The following SCP2 variants were observed in gnomAD, a reference collection of about 807,000 sequenced individuals.
SCP2 encodes the protein sterol carrier protein 2.
In SCP2, 48 loss-of-function variants were observed where a neutral mutation model predicts 71.4. The ratio of observed to expected loss-of-function variants is 0.67; its 90% confidence interval spans 0.53 to 0.86. The LOEUF is 0.86. Among genes scored for constraint, SCP2 ranks in the 40% least tolerant of loss-of-function variants. SCP2 has a pLI of 0.00. For missense variants in SCP2, 560 were observed against 655.6 expected, an observed-to-expected ratio of 0.85 and a Z score of 1.59; for synonymous variants, 220 against 218.1, an observed-to-expected ratio of 1.01 and a Z score of -0.08.
At chr1:52,981,003 C>T (rs1304346314) in intron 10 of SCP2, among the ~76,000 whole-genome samples, 1 of 152,122 alleles carries the variant, frequency 6.6e-6, no homozygotes, top group Admixed American at 6.5e-5. Context: ...GCAATCTCAG[C>T]TCAATGCAAC....
Position 53,050,919 on chromosome 1 carries a change from G to A in SCP2, c.*215G>A. The A allele has an allele frequency of 2.2e-6, 1 of 446,382 alleles. No homozygotes were observed. Among genetic ancestry groups the A allele is most frequent in the East Asian group, 3.8e-5 (1 of 26,144 alleles). The allele number at this position is 446,382 out of a possible 1,614,324, so 27.7% of individuals were successfully genotyped here. ...GCTTTGCGGAATTGCATACAACTGT[G>A]CATTACAAAGTTAATATGGTAATTA... is the stretch of plus-strand genomic sequence containing the variant. On this transcript the variant is annotated 3_prime_UTR_variant, in exon 16 of 16. Transcript: ENST00000371514.
rs1048244326 is a variant in SCP2 at position 52,966,641 on chromosome 1, T to A, written c.523+5012T>A. Among the ~76,000 whole-genome samples, 4 of 151,826 alleles carry A rather than the reference T, an allele frequency of 2.6e-5. No homozygotes were observed. The East Asian group carries it at 7.7e-4, about 29-fold the overall frequency. On this transcript the variant is annotated intron_variant, in intron 6 of 15. Coordinates refer to ENST00000371514, the MANE Select transcript of SCP2 (RefSeq NM_002979.5). ...TGGCTTACGCCTGTAATCCCAGCAC[T>A]TTGGGAGGCAGAGGCAGGCAGATCA... is the stretch of plus-strand genomic sequence containing the variant.
At chr1:52,930,064 A>G (rs1014138967) in intron 1 of SCP2, among the ~76,000 whole-genome samples, 1 of 152,306 alleles carries the variant, frequency 6.6e-6, no homozygotes, top group African/African-American at 2.4e-5. Context: ...GCTAAGTCCC[A>G]TACCTTCTTA....
intron 14 of SCP2, among the ~76,000 whole-genome samples, chr1:53,044,454 T>C (rs59750828): frequency 0.038 from 5,749 of 152,344 alleles, 290 homozygotes; most frequent in African/African-American, 0.12. Context: ...ATTAATTTAT[T>C]CAACAAGTAT....
chr1:53,016,196 C>T (rs879647763), intron 12 of SCP2, among the ~76,000 whole-genome samples: 8 of 152,120 alleles, frequency 5.3e-5, no homozygotes, highest in Admixed American at 4.6e-4. Flanking sequence ...TCTTTCTCTG[C>T]CCAGAATATA....
At chr1:53,020,868 GA>G (rs1474614153) in intron 12 of SCP2, among the ~76,000 whole-genome samples, 1 of 152,136 alleles carries the variant, frequency 6.6e-6, no homozygotes, top group Non-Finnish European at 1.5e-5. Context: ...AAATGAACTT[GA>G]TATTCCCTGA....
intron 6 of SCP2, among the ~76,000 whole-genome samples, chr1:52,971,252 A>G (rs1432766188): frequency 6.6e-6 from 1 of 152,096 alleles, no homozygotes; most frequent in Non-Finnish European, 1.5e-5. Context: ...CTGGGATTAC[A>G]GGCGTGAGCC....
chr1:52,973,713 A>G lies in SCP2; in HGVS notation c.524-1056A>G, dbSNP rs866089029. 1.3e-4 allele frequency among the ~76,000 whole-genome samples: 20 copies of G among 152,272 alleles called. No individual in the cohort carries two copies. The Middle Eastern group carries it at 0.017, about 129-fold the overall frequency. ...CTCAGCCTCCCAAGTAGCTGAGATGACAGGTGTATGCCACTATACCTAGCT... is the reference window on the plus strand; with the variant it reads ...CTCAGCCTCCCAAGTAGCTGAGATGGCAGGTGTATGCCACTATACCTAGCT... On this transcript the variant is annotated intron_variant, in intron 6 of 15. Coordinates refer to ENST00000371514, the MANE Select transcript of SCP2 (RefSeq NM_002979.5).
intron 5 of SCP2, among the ~76,000 whole-genome samples, chr1:52,956,752 C>A (rs544406128): frequency 3.7e-4 from 57 of 152,060 alleles, no homozygotes; most frequent in African/African-American, 1.3e-3. Flanking sequence ...GTTTATGATA[C>A]ATGAAAAATA....
chr1:53,021,102 G>C (rs960495987), intron 12 of SCP2, among the ~76,000 whole-genome samples: 24 of 151,574 alleles, frequency 1.6e-4, no homozygotes, highest in Non-Finnish European at 2.8e-4. Context: ...ACCTCCCCAG[G>C]CTCAGATAAT....
intron 6 of SCP2, among the ~76,000 whole-genome samples, chr1:52,967,314 G>A (rs1284644854): frequency 6.6e-6 from 1 of 151,632 alleles, no homozygotes; most frequent in Non-Finnish European, 1.5e-5. Context: ...CTTTCTTTTT[G>A]GCTTGGTAAT....
chr1:52,960,892 G>A (rs994858377), intron 5 of SCP2, among the ~76,000 whole-genome samples: 5 of 150,902 alleles, frequency 3.3e-5, no homozygotes, highest in African/African-American at 1.2e-4. Flanking sequence ...AGCTGGGACT[G>A]TAGGTGCATA....
intron 11 of SCP2, chr1:52,995,517 T>A (rs1282946438): frequency 2.3e-6 from 1 of 440,392 alleles, no homozygotes; most frequent in Non-Finnish European, 4.5e-6. Flanking sequence ...ACTTCATGGC[T>A]GGCTTTGCCC....
Position 53,039,006 on chromosome 1 carries a change from G to A in SCP2, c.1428G>A (p.Val476=). ...GGGGTAAAGAGGCCACCTGGGTGGT[G>A]GATGTGAAGAATGGCAAAGGATCAG... ...GPGGKEATWV[V]DVKNGKGSVL... Residue 476 remains valine, a synonymous_variant, in exon 14 of 16, where the codon GTG becomes GTA. Transcript: ENST00000371514. 1 of 1,614,188 alleles carries A rather than the reference G, an allele frequency of 6.2e-7. No homozygotes were observed. The highest frequency in any genetic ancestry group is 2.2e-5 in the East Asian group (1 of 44,882).
Position 53,050,737 on chromosome 1 carries a change from A to G in SCP2, c.*33A>G, listed in dbSNP as rs933158016. The G allele has an allele frequency of 2.3e-6, 3 of 1,332,448 alleles. No homozygotes were observed. The highest frequency in any genetic ancestry group is 3.2e-6 in the Non-Finnish European group (3 of 923,872). 82.5% of individuals were successfully genotyped at this position (1,332,448 alleles called of 1,614,324 possible). On this transcript the variant is annotated 3_prime_UTR_variant, in exon 16 of 16. Transcript: ENST00000371514. ...CCTTTGGCTACTTTTGAAAATCAAGATGAGATATATAGATATATATCCATA... is the reference window on the plus strand; with the variant it reads ...CCTTTGGCTACTTTTGAAAATCAAGGTGAGATATATAGATATATATCCATA...
Position 53,015,053 on chromosome 1 carries a change from A to T in SCP2, c.1235+10A>T. On this transcript the variant is annotated intron_variant, in intron 12 of 15. Coordinates refer to ENST00000371514, the MANE Select transcript of SCP2 (RefSeq NM_002979.5). ...TTCCGGAAGCCGCCAGGTGAGTGACATTCAGAGTTTTGTGTGTCAGTTAAT... is the reference window on the plus strand; with the variant it reads ...TTCCGGAAGCCGCCAGGTGAGTGACTTTCAGAGTTTTGTGTGTCAGTTAAT... 6.2e-7 allele frequency: 1 copy of T among 1,613,692 alleles called. No homozygotes were observed. Among genetic ancestry groups the T allele is most frequent in the Non-Finnish European group, 8.5e-7 (1 of 1,179,586 alleles).
chr1:52,950,479 T>C (rs574765209), intron 3 of SCP2, among the ~76,000 whole-genome samples: 1 of 152,356 alleles, frequency 6.6e-6, no homozygotes, highest in African/African-American at 2.4e-5. Context: ...TTCTTTATCA[T>C]ATAGCCTTAG....
chr1:53,010,890 A>T (rs946088045), intron 11 of SCP2, among the ~76,000 whole-genome samples: 1 of 152,182 alleles, frequency 6.6e-6, no homozygotes, highest in Non-Finnish European at 1.5e-5. Flanking sequence ...CCCAAAACCT[A>T]TAAGAACTAA....
chr1:53,047,017 G>T (rs1388172988), intron 14 of SCP2, among the ~76,000 whole-genome samples: 2 of 152,234 alleles, frequency 1.3e-5, no homozygotes, highest in Admixed American at 6.5e-5. Context: ...TTTGGCCAGG[G>T]CTGGGCTCTC....
Sources: allele counts gnomAD v4.1 joint callset (sites outside exome capture counted in the v4.1 genomes callset), GRCh38; gene constraint gnomAD v4.1.1; transcripts MANE v1.5; gene names NCBI Gene and HGNC (gene_info 2026-07-23, HGNC 2026-07-21).